The following HUWE1 variants were observed in gnomAD, a reference collection of about 807,000 sequenced individuals.
HUWE1 encodes the protein HECT, UBA and WWE domain containing E3 ubiquitin protein ligase 1.
Under a neutral mutation model 299.4 loss-of-function variants are expected in HUWE1, and 18 were observed. That is an observed-to-expected ratio of 0.06 (90% confidence interval 0.04 to 0.09). The LOEUF (loss-of-function observed/expected upper bound fraction) is 0.09. Among genes scored for constraint, HUWE1 ranks in the 10% least tolerant of loss-of-function variants. The pLI is 1.00. For missense variants in HUWE1, 1,832 were observed against 3,462.3 expected (o/e 0.53, Z 11.82); for synonymous variants, 1,317 against 1,286.1 (o/e 1.02, Z -0.51).
At chrX:53,625,136 A>T (rs782002450) in intron 18 of HUWE1, 21 bp downstream of exon 18, 2 of 1,029,610 alleles carry the variant, frequency 1.9e-6, no homozygotes, top group South Asian at 3.8e-5. Flanking sequence ...CCTCCAAAAA[A>T]AGTTATCTGG....
chrX:53,538,534 TCTCTTCCTTC>T lies in HUWE1; in HGVS notation c.11879-90_11879-81del, dbSNP rs1330044736. ...AAGACAGCCAACCAGCTAGCAACTC[TCTCTTCCTTC>T]CTCTTCCTTATTTCAGGGCTCTAAA... On this transcript the variant is annotated intron_variant, in intron 76 of 83. Coordinates refer to ENST00000262854, the MANE Select transcript of HUWE1 (RefSeq NM_031407.7). The T allele has an allele frequency of 1.9e-5, 13 of 689,809 alleles. No homozygotes were observed. In the African/African-American group the frequency reaches 1.9e-4, roughly 10 times the overall value. The allele number at this position is 689,809 out of a possible 1,213,427, so 56.8% of individuals were successfully genotyped here.
chrX:53,557,684 C>G (rs782243135), intron 59 of HUWE1, among the ~76,000 whole-genome samples: 1 of 111,732 alleles, frequency 8.9e-6, no homozygotes, highest in East Asian at 2.8e-4. Flanking sequence ...AATAAAAACC[C>G]CTTAGGGATG....
intron 12 of HUWE1, among the ~76,000 whole-genome samples, chrX:53,630,673 T>TA (rs11317885): frequency 0.045 from 4,361 of 97,697 alleles, 102 homozygotes; most frequent in Non-Finnish European, 0.067. Flanking sequence ...GCATATCTAT[T>TA]AAAAAAAAAA....
Position 53,600,101 on chromosome X carries a change from A to G in HUWE1, c.3163+17T>C. 1 of 1,196,353 alleles carries G rather than the reference A, an allele frequency of 8.4e-7. No homozygotes were observed. The highest frequency in any genetic ancestry group is 1.1e-6 in the Non-Finnish European group (1 of 881,159). On this transcript the variant is annotated intron_variant, in intron 29 of 83. Coordinates refer to ENST00000262854, the MANE Select transcript of HUWE1 (RefSeq NM_031407.7). Reference sequence around the variant, plus strand: ...GACTGAAAGCCAGAAAAGGTAGGAGAAAGGAGAATGACTCACCTGATAACA... The same window carrying G: ...GACTGAAAGCCAGAAAAGGTAGGAGGAAGGAGAATGACTCACCTGATAACA...
intron 75 of HUWE1, among the ~76,000 whole-genome samples, chrX:53,539,320 TAA>T (rs34154526): frequency 9.5e-5 from 5 of 52,830 alleles, no homozygotes; most frequent in African/African-American, 2.8e-4. Context: ...ATTTCTGATT[TAA>T]AAAAAAAAAA....
At chrX:53,656,864 A>G (rs2068772083) in intron 3 of HUWE1, among the ~76,000 whole-genome samples, 1 of 111,146 alleles carries the variant, frequency 9.0e-6, no homozygotes, top group African/African-American at 3.3e-5. Context: ...AGAGCAGAAT[A>G]GAGAACCCAG....
intron 3 of HUWE1, among the ~76,000 whole-genome samples, chrX:53,665,249 G>A (rs1386455208): frequency 1.8e-5 from 2 of 111,959 alleles, no homozygotes; most frequent in African/African-American, 6.5e-5. Flanking sequence ...ACTGGGCACT[G>A]ACAGTAAAGT....
At position 53,588,596 on chromosome X, in the gene HUWE1, T is replaced by C. The variant is rs923550933; in HGVS notation, c.4462-62A>G. 24 of 1,070,664 alleles carry C rather than the reference T, an allele frequency of 2.2e-5. No homozygotes were observed. The Admixed American group carries it at 5.1e-4, about 23-fold the overall frequency. The allele number at this position is 1,070,664 out of a possible 1,213,427, so 88.2% of individuals were successfully genotyped here. ...CAGAGCAAGATGAGGTTTCTGAAAA[T>C]ATTCTCAACCTTTTAAAATACTCCC... On this transcript the variant is annotated intron_variant, in intron 36 of 83. Coordinates refer to ENST00000262854, the MANE Select transcript of HUWE1 (RefSeq NM_031407.7).
chrX:53,534,305 C>T (rs906676218), intron 82 of HUWE1, 108 bp from the exon 83 acceptor site: 1 of 770,114 alleles, frequency 1.3e-6, no homozygotes, highest in South Asian at 2.3e-5. Flanking sequence ...TGAGGCAAGT[C>T]CCTTCTGTGG....
chrX:53,572,668 C>T (rs938937070), intron 47 of HUWE1, among the ~76,000 whole-genome samples: 4 of 112,213 alleles, frequency 3.6e-5, no homozygotes, highest in Non-Finnish European at 5.6e-5. Context: ...GATAATTCTG[C>T]ATCAGGACAC....
At chrX:53,586,244 T>C (rs782466074) in intron 39 of HUWE1, among the ~76,000 whole-genome samples, 25 of 111,986 alleles carry the variant, frequency 2.2e-4, no homozygotes, top group Non-Finnish European at 3.4e-4. Flanking sequence ...TTTGGTAGGA[T>C]TGCTGTATAC....
chrX:53,537,411 A>G, intron 78 of HUWE1, 145 bp downstream of exon 78: 2 of 642,179 alleles, frequency 3.1e-6, no homozygotes, highest in Non-Finnish European at 5.0e-6. Context: ...CAACTCAGTA[A>G]GATTATCTAA....
intron 4 of HUWE1, among the ~76,000 whole-genome samples, chrX:53,652,402 C>T (rs1351547518): frequency 1.8e-5 from 2 of 112,078 alleles, no homozygotes; most frequent in African/African-American, 6.5e-5. Flanking sequence ...AGCATGGTTT[C>T]CTAATACTGT....
chrX:53,605,406 T>C (rs1374276406), intron 25 of HUWE1, among the ~76,000 whole-genome samples: 1 of 112,186 alleles, frequency 8.9e-6, no homozygotes, highest in Admixed American at 9.4e-5. Flanking sequence ...TAAATCTATC[T>C]ATCCTTCCAC....
intron 70 of HUWE1, among the ~76,000 whole-genome samples, chrX:53,546,027 G>A (rs781897906): frequency 1.8e-5 from 2 of 112,016 alleles, no homozygotes; most frequent in East Asian, 2.8e-4. Context: ...CAAAAGCAGA[G>A]AGTACTATTC....
Position 53,680,083 on chromosome X carries a change from G to A in HUWE1, c.-59C>T. ...CAGCCAATCATACTCATCCTGGTGG[G>A]AAATTCCCCACACTGCTCCAACAGC... On this transcript the variant is annotated 5_prime_UTR_variant, in exon 3 of 84. Coordinates refer to ENST00000262854, the MANE Select transcript of HUWE1 (RefSeq NM_031407.7). 3.4e-6 allele frequency: 1 copy of A among 297,186 alleles called. No homozygotes were observed. The highest frequency in any genetic ancestry group is 4.7e-5 in the East Asian group (1 of 21,066). 24.5% of individuals were successfully genotyped at this position (297,186 alleles called of 1,213,427 possible).
At chrX:53,554,274 G>A (rs782202340) in intron 61 of HUWE1, among the ~76,000 whole-genome samples, 11 of 110,151 alleles carry the variant, frequency 1.0e-4, no homozygotes, top group Admixed American at 3.9e-4. Flanking sequence ...GCCCAGGCTG[G>A]TCTCAAACTC....
chrX:53,555,636 CTTTTTTTTTT>C (rs1175050260), intron 60 of HUWE1, among the ~76,000 whole-genome samples: 3 of 75,267 alleles, frequency 4.0e-5, no homozygotes, highest in African/African-American at 5.2e-5. Flanking sequence ...CCTTCAAAAT[CTTTTTTTTTT>C]TTTTTTTTTT....
At chrX:53,562,746 C>T in intron 53 of HUWE1, 85 bp downstream of exon 53, 1 of 704,039 alleles carries the variant, frequency 1.4e-6, no homozygotes, top group Non-Finnish European at 2.3e-6. Flanking sequence ...CACATGTGGG[C>T]AGCTGCCTCC....
Sources: gnomAD v4.1 joint callset for allele counts (sites outside exome capture counted in the v4.1 genomes callset) on GRCh38, gnomAD v4.1.1 for gene constraint, MANE v1.5 for transcripts, NCBI Gene and HGNC (gene_info 2026-07-23, HGNC 2026-07-21) for gene names.